Variants in SAMD12 observed in about 807,000 individuals in gnomAD.
SAMD12 encodes the protein sterile alpha motif domain containing 12, also known as sterile alpha motif domain-containing protein 12.
A neutral mutation model predicts 15.0 loss-of-function variants in SAMD12; 9 were observed. The ratio of observed to expected loss-of-function variants is 0.60; its 90% CI spans 0.36 to 1.05. The LOEUF is 1.05. Ranked by LOEUF, SAMD12 falls within the 50% of genes least tolerant of loss-of-function variation. The probability of loss-of-function intolerance (pLI) is 0.01; values close to 1 mark genes in which losing one functional copy is unlikely to be tolerated. For missense variants in SAMD12, 230 were observed against 234.2 expected (o/e 0.98, Z 0.12); for synonymous variants, 86 against 90.1 (o/e 0.96, Z 0.25).
intron 4 of SAMD12, among the ~76,000 whole-genome samples, chr8:118,349,955 T>C (rs1817874078): frequency 6.6e-6 from 1 of 151,852 alleles, no homozygotes. Flanking sequence ...TAGTGAGATC[T>C]CATCTCTACA....
chr8:118,477,719 T>C (rs930619332), intron 2 of SAMD12, among the ~76,000 whole-genome samples: 1 of 152,032 alleles, frequency 6.6e-6, no homozygotes, highest in Admixed American at 6.6e-5. Context: ...GACCGAAAAT[T>C]CTGACAGGGA....
chr8:118,484,149 A>G (rs548689765), intron 2 of SAMD12, among the ~76,000 whole-genome samples: 1 of 152,346 alleles, frequency 6.6e-6, no homozygotes, highest in African/African-American at 2.4e-5. Flanking sequence ...AGAGACATCA[A>G]TGAAGTCAAT....
rs566139367 is a variant in SAMD12, at chr8:118,458,938, C to T, written c.193-18977G>A. Among the ~76,000 whole-genome samples the T allele has an allele frequency of 2.0e-4, 26 of 130,534 alleles. No homozygotes were observed. In the South Asian group the frequency reaches 5.8e-3, roughly 29 times the overall value. The allele number at this position is 130,534 out of a possible 152,430, so 85.6% of individuals were successfully genotyped here. Reference sequence around the variant, plus strand: ...CATTGTTCAAAGCAAATAGTAAAGTCTTCAGCTATATATGTGTGTGTGTGT... The same window carrying T: ...CATTGTTCAAAGCAAATAGTAAAGTTTTCAGCTATATATGTGTGTGTGTGT... On this transcript the variant is annotated intron_variant, in intron 2 of 3. Transcript: ENST00000314727.
At chr8:118,314,490 C>T (rs1241872922) in intron 4 of SAMD12, among the ~76,000 whole-genome samples, 1 of 152,122 alleles carries the variant, frequency 6.6e-6, no homozygotes, top group Admixed American at 6.6e-5. Flanking sequence ...AGATACAGAG[C>T]TGTTCCATTA....
At chr8:118,187,081 A>G (rs1419931786), downstream of SAMD12, among the ~76,000 whole-genome samples, 1 of 152,170 alleles carries the variant, frequency 6.6e-6, no homozygotes, top group East Asian at 1.9e-4. Context: ...TACACTACTA[A>G]AAGGAGAGAT....
At chr8:118,295,517 G>T (rs1007576194) in intron 4 of SAMD12, among the ~76,000 whole-genome samples, 4 of 152,122 alleles carry the variant, frequency 2.6e-5, no homozygotes, top group African/African-American at 9.7e-5. Context: ...TCAGATGCTG[G>T]AAACTCAATT....
At chr8:118,332,434 T>C (rs913434349) in intron 4 of SAMD12, among the ~76,000 whole-genome samples, 2 of 152,242 alleles carry the variant, frequency 1.3e-5, no homozygotes, top group African/African-American at 4.8e-5. Context: ...TTGGCAGTGA[T>C]TATTCAACTT....
At chr8:118,600,407 G>A (rs1003499905) in intron 1 of SAMD12, among the ~76,000 whole-genome samples, 2 of 152,150 alleles carry the variant, frequency 1.3e-5, no homozygotes, top group Admixed American at 1.3e-4. Flanking sequence ...TAGATCAGGG[G>A]TTGGCAAACT....
chr8:118,415,990 C>T (rs1821668842), intron 3 of SAMD12, among the ~76,000 whole-genome samples: 1 of 151,960 alleles, frequency 6.6e-6, no homozygotes, highest in Non-Finnish European at 1.5e-5. Context: ...GCGTGGCTTT[C>T]CCCCTTTTTT....
At chr8:118,533,111 T>C (rs565988696) in intron 2 of SAMD12, among the ~76,000 whole-genome samples, 2 of 152,362 alleles carry the variant, frequency 1.3e-5, no homozygotes, top group South Asian at 4.1e-4. Flanking sequence ...CTGTTTTAAA[T>C]GTGTCCCAGA....
intron 2 of SAMD12, among the ~76,000 whole-genome samples, chr8:118,545,258 G>C (rs1009655979): frequency 6.6e-6 from 1 of 152,230 alleles, no homozygotes; most frequent in Non-Finnish European, 1.5e-5. Flanking sequence ...CCTGAGGTCA[G>C]AAAGTGGAGA....
chr8:118,384,747 A>G (rs1819858989), intron 3 of SAMD12, among the ~76,000 whole-genome samples: 1 of 152,206 alleles, frequency 6.6e-6, no homozygotes, highest in East Asian at 1.9e-4. Flanking sequence ...AACAAAGAAA[A>G]AACAATTAAA....
intron 2 of SAMD12, among the ~76,000 whole-genome samples, chr8:118,453,026 T>G (rs1374741285): frequency 1.3e-5 from 2 of 152,210 alleles, no homozygotes; most frequent in African/African-American, 4.8e-5. Flanking sequence ...GTATTACTAA[T>G]TTTAGTTCAT....
chr8:118,287,542 T>C (rs1184701092), intron 4 of SAMD12, among the ~76,000 whole-genome samples: 1 of 152,154 alleles, frequency 6.6e-6, no homozygotes, highest in Non-Finnish European at 1.5e-5. Context: ...TGCCGGGACT[T>C]AGAGAGAAAT....
chr8:118,444,640 C>A lies in SAMD12; in HGVS notation c.193-4679G>T, dbSNP rs529320053. 2.6e-5 allele frequency among the ~76,000 whole-genome samples: 4 copies of A among 151,678 alleles called. No homozygotes were observed. In the South Asian group the frequency reaches 8.3e-4, roughly 32 times the overall value. On this transcript the variant is annotated intron_variant, in intron 2 of 3. Coordinates refer to ENST00000314727, the MANE Select transcript of SAMD12 (RefSeq NM_207506.3). ...GATTTGTATTTAACTAGAAAGAACT[C>A]TGAAGCATTCAGTTTTAAGTTCTCC... is the stretch of plus-strand genomic sequence containing the variant.
rs72678139 is a variant in SAMD12 at position 118,497,941 on chromosome 8, C to T, written c.193-57980G>A. Among the ~76,000 whole-genome samples, 288 of 151,100 alleles carry T rather than the reference C, an allele frequency of 1.9e-3. 1 individual carries two copies. Among genetic ancestry groups the T allele is most frequent in the Non-Finnish European group, 2.8e-3 (189 of 67,798 alleles). On this transcript the variant is annotated intron_variant, in intron 2 of 3. Coordinates refer to ENST00000314727, the MANE Select transcript of SAMD12 (RefSeq NM_207506.3). ...AGGAGACATCAATTAAACTTAAAAA[C>T]CAAAATGAAATTTTCAAAGGCAGAA...
At chr8:118,530,468 A>G (rs532338980) in intron 2 of SAMD12, among the ~76,000 whole-genome samples, 12 of 152,028 alleles carry the variant, frequency 7.9e-5, no homozygotes, top group Non-Finnish European at 1.8e-4. Flanking sequence ...AGAACCTGGT[A>G]TTTGGTTTTC....
At chr8:118,168,089 A>G in the SAMD12 span, among the ~76,000 whole-genome samples, 1 of 152,314 alleles carries the variant, frequency 6.6e-6, no homozygotes, top group Admixed American at 6.5e-5. Context: ...TGAATTTATC[A>G]GGGGTTTCTG....
chr8:118,262,470 C>A (rs1281870023), intron 4 of SAMD12, among the ~76,000 whole-genome samples: 1 of 152,004 alleles, frequency 6.6e-6, no homozygotes, highest in Non-Finnish European at 1.5e-5. Context: ...TAAATGTTAC[C>A]CTGCACCTAA....
Sources: allele counts gnomAD v4.1 joint callset (sites outside exome capture counted in the v4.1 genomes callset), GRCh38; gene constraint gnomAD v4.1.1; transcripts MANE v1.5; gene names NCBI Gene and HGNC (gene_info 2026-07-23, HGNC 2026-07-21).